BAZ1A: variants seen among roughly 807,000 people sequenced by gnomAD.
The protein encoded by BAZ1A is bromodomain adjacent to zinc finger domain protein 1A.
A neutral mutation model predicts 185.2 loss-of-function variants in BAZ1A; 50 were observed. That is an observed-to-expected ratio of 0.27 (90% CI 0.22 to 0.34). BAZ1A has a LOEUF of 0.34. BAZ1A is among the 10% of genes least tolerant of loss of function. The pLI, the probability that BAZ1A is intolerant of heterozygous loss-of-function variation, is 1.00. For missense variants in BAZ1A, 1,356 were observed against 1,839.9 expected (o/e 0.74, Z 4.81); for synonymous variants, 571 against 615.6 (o/e 0.93, Z 1.07).
intron 2 of BAZ1A, among the ~76,000 whole-genome samples, chr14:34,867,042 G>C (rs1038903405): frequency 6.6e-6 from 1 of 151,228 alleles, no homozygotes; most frequent in Non-Finnish European, 1.5e-5. Context: ...GGCAGATCGC[G>C]AGGTCAGGAG....
chr14:34,790,722 T>C (rs1880787499), intron 12 of BAZ1A, among the ~76,000 whole-genome samples: 1 of 152,138 alleles, frequency 6.6e-6, no homozygotes, highest in Non-Finnish European at 1.5e-5. Context: ...AAACAGAGCA[T>C]TAAAACTTTT....
At chr14:34,811,797 A>C (rs1377458050) in intron 4 of BAZ1A, among the ~76,000 whole-genome samples, 2 of 152,230 alleles carry the variant, frequency 1.3e-5, no homozygotes, top group African/African-American at 4.8e-5. Context: ...TAGACTACCC[A>C]GTTTAAAGAG....
intron 21 of BAZ1A, chr14:34,768,768 A>AT: frequency 2.3e-6 from 1 of 426,498 alleles, no homozygotes; most frequent in Admixed American, 2.7e-5. Context: ...ATCCTTATTA[A>AT]TTTCTGTTTT....
intron 4 of BAZ1A, among the ~76,000 whole-genome samples, chr14:34,815,018 A>G (rs1053943273): frequency 9.9e-5 from 14 of 142,052 alleles, no homozygotes; most frequent in Admixed American, 9.7e-4. Flanking sequence ...CAGGTAATCC[A>G]CCCACCTTGG....
intron 6 of BAZ1A, among the ~76,000 whole-genome samples, chr14:34,804,888 T>C (rs956884446): frequency 1.3e-5 from 2 of 152,196 alleles, no homozygotes; most frequent in Non-Finnish European, 2.9e-5. Flanking sequence ...CCAAAACTGG[T>C]TATCAAACTT....
Position 34,761,862 on chromosome 14 carries a change from T to C in BAZ1A, c.4138A>G (p.Ile1380Val), listed in dbSNP as rs1886533741. The C allele has an allele frequency of 3.1e-6, 5 of 1,614,124 alleles. No individual in the cohort carries two copies. In the South Asian group the frequency reaches 4.4e-5, roughly 14 times the overall value. The part of the protein sequence containing the change: ...NSPNFPNFRV[I>V]ATKSSEQSRS... ...GACTGTTCACTTGACTTTGTGGCAA[T>C]GACTCTGAAGTTAGGGAAGTTGGGA... The change falls in exon 24 of 27, where the codon ATT becomes GTT. Residue 1380 changes from isoleucine (I) to valine (V), a missense_variant. This residue lies in a region of BAZ1A where 309 missense variants were observed against 355.3 expected (regional missense o/e 0.87). Transcript: ENST00000360310.
rs186783774 is a variant in BAZ1A, at chr14:34,796,020, C to G, written c.1129-255G>C. On this transcript the variant is annotated intron_variant, in intron 9 of 26. Coordinates refer to ENST00000360310, the MANE Select transcript of BAZ1A (RefSeq NM_013448.3). The stretch of plus-strand genomic sequence containing the variant: ...TAATACTATAAAGACTGAAAATGGG[C>G]CGAGTGCAGTGGCTCACACATGTAA... Among the ~76,000 whole-genome samples, 33 of 152,190 alleles carry G rather than the reference C, an allele frequency of 2.2e-4. No homozygotes were observed. In the East Asian group the frequency reaches 6.4e-3, roughly 29 times the overall value.
intron 3 of BAZ1A, among the ~76,000 whole-genome samples, chr14:34,843,179 T>C (rs1594894714): frequency 6.6e-6 from 1 of 151,654 alleles, no homozygotes; most frequent in Non-Finnish European, 1.5e-5. Context: ...CTGACAAATA[T>C]AAGGAGGATC....
intron 3 of BAZ1A, among the ~76,000 whole-genome samples, chr14:34,851,064 G>A (rs1176332725): frequency 4.6e-5 from 7 of 152,064 alleles, no homozygotes; most frequent in Non-Finnish European, 1.0e-4. Context: ...AGGTACAGTG[G>A]CTCATGCCTG....
At chr14:34,821,861 G>A (rs2042095007) in intron 4 of BAZ1A, among the ~76,000 whole-genome samples, 1 of 152,202 alleles carries the variant, frequency 6.6e-6, no homozygotes, top group East Asian at 1.9e-4. Flanking sequence ...GTGCATGCCT[G>A]TAATCCCAGC....
chr14:34,855,667 C>A (rs1373741357), intron 3 of BAZ1A, among the ~76,000 whole-genome samples: 7 of 152,092 alleles, frequency 4.6e-5, no homozygotes, highest in African/African-American at 1.7e-4. Flanking sequence ...CCAAGGCTAG[C>A]AGACTGCTTG....
intron 6 of BAZ1A, among the ~76,000 whole-genome samples, chr14:34,804,030 C>T (rs1037567215): frequency 3.3e-5 from 5 of 152,016 alleles, no homozygotes; most frequent in Admixed American, 6.6e-5. Context: ...TATTTTGAGA[C>T]AGAATCTTGC....
chr14:34,823,135 A>G (rs975752050), intron 4 of BAZ1A, among the ~76,000 whole-genome samples: 2 of 151,300 alleles, frequency 1.3e-5, no homozygotes, highest in East Asian at 2.0e-4. Flanking sequence ...GGGTAGATCA[A>G]CTGAGGTCAG....
chr14:34,758,548 C>A (rs564432815), intron 25 of BAZ1A, 156 bp downstream of exon 25: 1 of 721,772 alleles, frequency 1.4e-6, no homozygotes, highest in South Asian at 2.1e-5. Context: ...CCACTGCACT[C>A]CAGCCTGGGC....
In BAZ1A at chr14:34,834,540, A is replaced by G. The variant is rs959040037; in HGVS notation, c.393-8384T>C. Reference sequence around the variant, plus strand: ...GAATTAGGGAGAAGGAAACCAGTGCAACACAGGGACATTGCCCAGAAGTAA... The same window carrying G: ...GAATTAGGGAGAAGGAAACCAGTGCGACACAGGGACATTGCCCAGAAGTAA... On this transcript the variant is annotated intron_variant, in intron 3 of 26. Transcript: ENST00000360310. Among the ~76,000 whole-genome samples the G allele has an allele frequency of 5.9e-5, 9 of 152,336 alleles. No individual in the cohort carries two copies. In the South Asian group the frequency reaches 1.9e-3, roughly 32 times the overall value.
At chr14:34,855,854 G>A (rs1346683977) in intron 3 of BAZ1A, among the ~76,000 whole-genome samples, 2 of 152,190 alleles carry the variant, frequency 1.3e-5, no homozygotes, top group East Asian at 3.9e-4. Flanking sequence ...AGTGAGCCGT[G>A]ATCACGCCAC....
chr14:34,873,866 G>T (rs1019787333), intron 2 of BAZ1A, among the ~76,000 whole-genome samples: 1 of 152,164 alleles, frequency 6.6e-6, no homozygotes, highest in Non-Finnish European at 1.5e-5. Context: ...GGCCGCGGAC[G>T]GAGGCTCTCG....
chr14:34,763,424 A>ATTTT (rs1566546449), intron 23 of BAZ1A, among the ~76,000 whole-genome samples: 1 of 150,392 alleles, frequency 6.6e-6, no homozygotes, highest in Admixed American at 6.6e-5. Flanking sequence ...AAATGTTTAA[A>ATTTT]AAAAAAAAAA....
At chr14:34,773,848 A>G in intron 19 of BAZ1A, 122 bp from the exon 20 acceptor site, 8 of 1,059,554 alleles carry the variant, frequency 7.6e-6, no homozygotes, top group African/African-American at 1.6e-5. Context: ...ATGAATCAAA[A>G]AGGTATCTAA....
Sources: allele counts gnomAD v4.1 joint callset (sites outside exome capture counted in the v4.1 genomes callset), GRCh38; gene constraint gnomAD v4.1.1; regional missense constraint gnomAD v4.1.1; transcripts MANE v1.5; gene names NCBI Gene and HGNC (gene_info 2026-07-23, HGNC 2026-07-21).